C1QTNF3: variants seen among roughly 807,000 people sequenced by gnomAD.
C1QTNF3 encodes the protein C1q and TNF related 3.
Under a neutral mutation model 32.6 loss-of-function variants are expected in C1QTNF3, and 26 were observed. That is an observed-to-expected ratio of 0.80 (90% CI 0.58 to 1.11). The LOEUF (loss-of-function observed/expected upper bound fraction) is 1.11, where lower values mean the gene tolerates loss of function less well. Among genes scored for constraint, C1QTNF3 ranks in the 50% least tolerant of loss-of-function variants. The probability of loss-of-function intolerance (pLI) is 0.00; values close to 1 mark genes in which losing one functional copy is unlikely to be tolerated. For missense variants in C1QTNF3, 362 were observed against 398.2 expected (o/e 0.91, Z 0.77); for synonymous variants, 155 against 146.0 (o/e 1.06, Z -0.44).
chr5:34,213,268 T>C, the C1QTNF3 span, among the ~76,000 whole-genome samples: 1 of 152,162 alleles, frequency 6.6e-6, no homozygotes, highest in Non-Finnish European at 1.5e-5. Context: ...GATTGATCAC[T>C]CTATGAAGTT....
At chr5:34,096,670 A>G in the C1QTNF3 span, among the ~76,000 whole-genome samples, 1 of 147,434 alleles carries the variant, frequency 6.8e-6, no homozygotes, top group African/African-American at 2.5e-5. Context: ...GAAGAAACAA[A>G]AGATAGATGG....
At chr5:34,091,414 C>T in the C1QTNF3 span, among the ~76,000 whole-genome samples, 1 of 152,260 alleles carries the variant, frequency 6.6e-6, no homozygotes, top group Non-Finnish European at 1.5e-5. Flanking sequence ...TGGACCACCA[C>T]CACTACTAGT....
At chr5:34,153,717 G>A in the C1QTNF3 span, among the ~76,000 whole-genome samples, 1 of 98,132 alleles carries the variant, frequency 1.0e-5, no homozygotes. Flanking sequence ...GGGGTCGGGG[G>A]AGGGGGGAGG....
At chr5:34,239,496 CAGATA>C in the C1QTNF3 span, 2 of 151,824 alleles carry the variant, frequency 1.3e-5, no homozygotes, top group South Asian at 4.2e-4. Flanking sequence ...ATTCTTATAT[CAGATA>C]AAACAGACTT....
the C1QTNF3 span, among the ~76,000 whole-genome samples, chr5:34,205,718 T>C: frequency 9.3e-5 from 14 of 150,464 alleles, no homozygotes; most frequent in Non-Finnish European, 1.9e-4. Context: ...TGGACTAATA[T>C]AGATGTTTAC....
chr5:34,035,565 C>T (rs933263267), intron 2 of C1QTNF3, 82 bp downstream of exon 2: 1 of 1,030,880 alleles, frequency 9.7e-7, no homozygotes, highest in Non-Finnish European at 1.5e-6. Context: ...CAGAAGTGAT[C>T]CCAAATTATT....
At chr5:34,224,824 C>A in the C1QTNF3 span, among the ~76,000 whole-genome samples, 2 of 152,076 alleles carry the variant, frequency 1.3e-5, no homozygotes, top group Non-Finnish European at 2.9e-5. Flanking sequence ...AACTAAAGAG[C>A]TTCTGCACAG....
At chr5:34,155,602 AAGTC>A in the C1QTNF3 span, among the ~76,000 whole-genome samples, 6 of 152,210 alleles carry the variant, frequency 3.9e-5, no homozygotes, top group Non-Finnish European at 7.4e-5. Context: ...TAGTTTAAAA[AAGTC>A]AGCAGAGCAG....
chr5:34,115,421 C>T, the C1QTNF3 span, among the ~76,000 whole-genome samples: 58 of 151,970 alleles, frequency 3.8e-4, no homozygotes, highest in African/African-American at 1.3e-3. Flanking sequence ...GGACATCTTC[C>T]GCCAATTCTG....
At chr5:34,129,637 T>C in the C1QTNF3 span, among the ~76,000 whole-genome samples, 1 of 152,084 alleles carries the variant, frequency 6.6e-6, no homozygotes, top group Non-Finnish European at 1.5e-5. Flanking sequence ...TGTAATTATA[T>C]ACAGATACCT....
At chr5:34,212,956 G>A in the C1QTNF3 span, among the ~76,000 whole-genome samples, 9 of 151,870 alleles carry the variant, frequency 5.9e-5, no homozygotes, top group South Asian at 4.2e-4. Flanking sequence ...ACATGCACAC[G>A]TATGTTTATT....
intron 4 of C1QTNF3, among the ~76,000 whole-genome samples, chr5:34,026,429 G>T (rs921750522): frequency 2.1e-5 from 3 of 145,230 alleles, no homozygotes; most frequent in African/African-American, 5.2e-5. Context: ...AAGAGGACCT[G>T]CAGTGGCCAA....
chr5:34,159,961 T>C, the C1QTNF3 span, among the ~76,000 whole-genome samples: 2 of 151,952 alleles, frequency 1.3e-5, no homozygotes, highest in African/African-American at 2.4e-5. Flanking sequence ...AAACAAAAGA[T>C]CATTAACGCA....
chr5:34,229,022 A>ATTT, the C1QTNF3 span, among the ~76,000 whole-genome samples: 1 of 151,778 alleles, frequency 6.6e-6, no homozygotes, highest in South Asian at 2.1e-4. Flanking sequence ...TAATTGGACT[A>ATTT]TTTATTGTTA....
chr5:34,128,446 A>C, the C1QTNF3 span, among the ~76,000 whole-genome samples: 2 of 152,184 alleles, frequency 1.3e-5, no homozygotes, highest in Non-Finnish European at 2.9e-5. Flanking sequence ...AGAACCCAGA[A>C]TGATAAATTC....
chr5:34,087,958 C>A, the C1QTNF3 span, among the ~76,000 whole-genome samples: 1 of 152,176 alleles, frequency 6.6e-6, no homozygotes, highest in Non-Finnish European at 1.5e-5. Context: ...AAATTATCCG[C>A]ATATATTTGC....
At chr5:34,216,452 TAGAA>T in the C1QTNF3 span, among the ~76,000 whole-genome samples, 1 of 152,126 alleles carries the variant, frequency 6.6e-6, no homozygotes, top group Non-Finnish European at 1.5e-5. Flanking sequence ...TATAAGCATT[TAGAA>T]AGATTTTTTT....
the C1QTNF3 span, among the ~76,000 whole-genome samples, chr5:34,102,524 C>G: frequency 2.0e-5 from 3 of 151,754 alleles, no homozygotes; most frequent in African/African-American, 7.3e-5. Flanking sequence ...GCTATTTAAA[C>G]ATCATCATCA....
At chr5:34,113,413 C>G in the C1QTNF3 span, among the ~76,000 whole-genome samples, 3 of 151,192 alleles carry the variant, frequency 2.0e-5, no homozygotes, top group Non-Finnish European at 3.0e-5. Flanking sequence ...CTAACCACTC[C>G]TTTCTGTACA....
Sources: allele counts gnomAD v4.1 joint callset (sites outside exome capture counted in the v4.1 genomes callset), GRCh38; gene constraint gnomAD v4.1.1; transcripts MANE v1.5; gene names NCBI Gene and HGNC (gene_info 2026-07-23, HGNC 2026-07-21).